VNN2: variants seen among roughly 807,000 people sequenced by gnomAD.
The protein encoded by VNN2 is pantetheine hydrolase VNN2.
A neutral mutation model predicts 43.0 loss-of-function variants in VNN2; 43 were observed. That is an observed-to-expected ratio of 1.00 (90% CI 0.78 to 1.29). VNN2 has a LOEUF of 1.29. VNN2 is among the 50% of genes most tolerant of loss of function. The probability of loss-of-function intolerance (pLI) is 0.00; values close to 1 mark genes in which losing one functional copy is unlikely to be tolerated. For missense variants in VNN2, 652 were observed against 619.7 expected (o/e 1.05, Z -0.55); for synonymous variants, 230 against 224.3 (o/e 1.03, Z -0.23).
chr6:132,745,038 G>A (rs1779637196), intron 6 of VNN2, among the ~76,000 whole-genome samples: 1 of 152,178 alleles, frequency 6.6e-6, no homozygotes, highest in African/African-American at 2.4e-5. Context: ...AGTGGACATT[G>A]AACCAGCAAA....
In VNN2 at chr6:132,751,205, T is replaced by C. The variant is rs748828343; in HGVS notation, c.1140A>G (p.Glu380=). ...CTGTAAAAGCTCCTAGAACGTATAC[T>C]TCATTCTCTTCTTTTTGTAACATTC... The part of the protein sequence containing the change: ...SYRMLQKEEN[E]VYVLGAFTGL... The change falls in exon 5 of 7, where the codon GAA becomes GAG. Residue 380 remains glutamate, a synonymous_variant. Transcript: ENST00000326499. 6.2e-7 allele frequency: 1 copy of C among 1,614,042 alleles called. No individual in the cohort carries two copies. Among genetic ancestry groups the C allele is most frequent in the Non-Finnish European group, 8.5e-7 (1 of 1,180,034 alleles).
At chr6:132,761,671 A>C (rs1239950534), upstream of VNN2, among the ~76,000 whole-genome samples, 2 of 152,188 alleles carry the variant, frequency 1.3e-5, no homozygotes, top group African/African-American at 4.8e-5. Flanking sequence ...AAAATAAAAA[A>C]CAAGCAAATA....
chr6:132,762,631 T>C (rs1365421814), upstream of VNN2, among the ~76,000 whole-genome samples: 1 of 152,200 alleles, frequency 6.6e-6, no homozygotes, highest in Non-Finnish European at 1.5e-5. Flanking sequence ...CCAGGTCTCA[T>C]TCAGATGAGG....
chr6:132,744,598 C>T, intron 6 of VNN2, 107 bp from the exon 7 acceptor site: 1 of 1,153,556 alleles, frequency 8.7e-7, no homozygotes, highest in Non-Finnish European at 1.2e-6. Flanking sequence ...CAAATCATTT[C>T]TGATTTAGGA....
At chr6:132,759,518 T>C (rs951348228), upstream of VNN2, among the ~76,000 whole-genome samples, 2 of 151,716 alleles carry the variant, frequency 1.3e-5, no homozygotes, top group Non-Finnish European at 2.9e-5. Flanking sequence ...GACATTCATA[T>C]TCTCCCTTCC....
rs779494094 is a variant in VNN2 at position 132,752,698 on chromosome 6, C to T, written c.589G>A (p.Val197Met). The change falls in exon 4 of 7, where the codon GTG (valine) becomes ATG (methionine). Residue 197 changes from valine to methionine, a missense_variant. Val to Met is a conservative substitution (Grantham distance 21, BLOSUM62 1). Coordinates refer to ENST00000326499, the MANE Select transcript of VNN2 (RefSeq NM_004665.6). ...CTTCCAAATGCGGTGTTGAAAGTCA[C>T]CAACTCCGGCTTTTCAGGGACATTA... ...QFNVPEKPEL[V>M]TFNTAFGRFG... 3 of 1,614,146 alleles carry T rather than the reference C, an allele frequency of 1.9e-6. No individual in the cohort carries two copies. The highest frequency in any genetic ancestry group is 2.2e-5 in the East Asian group (1 of 44,888).
chr6:132,759,728 T>C (rs1339185831), upstream of VNN2, among the ~76,000 whole-genome samples: 2 of 152,230 alleles, frequency 1.3e-5, no homozygotes, highest in Non-Finnish European at 2.9e-5. Flanking sequence ...TCATATTTTC[T>C]GCTTTGAATA....
At chr6:132,750,839 C>G (rs1780027247) in intron 5 of VNN2, among the ~76,000 whole-genome samples, 1 of 152,118 alleles carries the variant, frequency 6.6e-6, no homozygotes, top group Non-Finnish European at 1.5e-5. Flanking sequence ...AGGAAGTCTT[C>G]TTGATGTTCT....
At chr6:132,761,844 A>G (rs958273388), upstream of VNN2, among the ~76,000 whole-genome samples, 3 of 152,096 alleles carry the variant, frequency 2.0e-5, no homozygotes, top group African/African-American at 7.2e-5. Flanking sequence ...TCTGCTTTGC[A>G]CCACTTCTTT....
chr6:132,752,737 A>G lies in VNN2; in HGVS notation c.550T>C (p.Ser184Pro), dbSNP rs548159207. ...TCAGGGACATTAAACTGAGGCTCAG[A>G]GTACAGGTGGTACTACAACAAATGG... is the stretch of plus-strand genomic sequence containing the variant. ...VARYHKYHLY[S>P]EPQFNVPEKP... The change falls in exon 4 of 7, where the codon TCT becomes CCT. Residue 184 changes from serine (S) to proline (P), a missense_variant. Ser to Pro is a moderately conservative substitution (Grantham distance 74, BLOSUM62 -1). Coordinates refer to ENST00000326499, the MANE Select transcript of VNN2 (RefSeq NM_004665.6). The G allele has an allele frequency of 6.2e-7, 1 of 1,613,716 alleles. No homozygotes were observed. Among genetic ancestry groups the G allele is most frequent in the African/African-American group, 1.3e-5 (1 of 75,024 alleles).
intron 5 of VNN2, 145 bp from the exon 6 acceptor site, chr6:132,750,010 G>A (rs1779964205): frequency 5.4e-6 from 4 of 744,428 alleles, no homozygotes; most frequent in Non-Finnish European, 7.9e-6. Flanking sequence ...ATAATTAACT[G>A]CTTTATTAAA....
At chr6:132,748,590 C>A (rs946344840) in intron 6 of VNN2, among the ~76,000 whole-genome samples, 3 of 152,106 alleles carry the variant, frequency 2.0e-5, no homozygotes, top group East Asian at 3.8e-4. Context: ...TTACTGAAAC[C>A]CTGCCACTGT....
At chr6:132,753,483 C>T (rs913424327) in intron 3 of VNN2, 5 of 455,080 alleles carry the variant, frequency 1.1e-5, no homozygotes, top group African/African-American at 1.0e-4. Context: ...CTCAGTGACT[C>T]TTGCCCACCT....
intron 3 of VNN2, chr6:132,753,514 G>T (rs890055325): frequency 8.8e-6 from 4 of 453,184 alleles, no homozygotes; most frequent in African/African-American, 6.0e-5. Flanking sequence ...CCATAGAAAT[G>T]TATTTAATTT....
intron 3 of VNN2, among the ~76,000 whole-genome samples, chr6:132,754,962 T>C (rs1780363245): frequency 6.6e-6 from 1 of 152,116 alleles, no homozygotes; most frequent in Admixed American, 6.5e-5. Context: ...CTGCTTGAGG[T>C]GAAGAGTTCA....
chr6:132,749,921 C>T (rs964357659), intron 5 of VNN2, 56 bp from the exon 6 acceptor site: 15 of 1,489,142 alleles, frequency 1.0e-5, no homozygotes, highest in Non-Finnish European at 1.1e-5. Flanking sequence ...TTACTCATAC[C>T]AGAAATGTTG....
upstream of VNN2, chr6:132,760,616 T>C (rs1780716090): frequency 6.6e-6 from 1 of 151,698 alleles, no homozygotes; most frequent in African/African-American, 2.4e-5. Flanking sequence ...TAAGTACAAT[T>C]TGGGCCATGA....
Position 132,744,475 on chromosome 6 carries a change from C to G in VNN2, c.1388G>C (p.Arg463Pro). 1 of 1,579,708 alleles carries G rather than the reference C, an allele frequency of 6.3e-7. No homozygotes were observed. The highest frequency in any genetic ancestry group is 8.6e-7 in the Non-Finnish European group (1 of 1,167,414). The change falls in exon 7 of 7, where the codon CGT (arginine) becomes CCT (proline). Residue 463 changes from arginine to proline, a missense_variant. Transcript: ENST00000326499. The stretch of plus-strand genomic sequence containing the variant: ...AGATGATCCATTCTTGTTTACCAAA[C>G]GCCCATCTTTCAGCACCTAAAGAAA... ...PGKFEVLKDG[R>P]LVNKNGSSGP...
rs910253426 is a variant in VNN2 at position 132,749,605 on chromosome 6, C to A, written c.1371+90G>T. On this transcript the variant is annotated intron_variant, in intron 6 of 6. Transcript: ENST00000326499. ...GGTTTTGAGGAAATTTGTTACACAG[C>A]AGAAGTTAACTGGCAGAGTGGCTAT... The A allele has an allele frequency of 5.5e-6, 7 of 1,278,742 alleles. No individual in the cohort carries two copies. In the African/African-American group the frequency reaches 1.1e-4, roughly 19 times the overall value. 79.2% of individuals were successfully genotyped at this position (1,278,742 alleles called of 1,614,324 possible).
Sources: gnomAD v4.1 joint callset for allele counts (sites outside exome capture counted in the v4.1 genomes callset) on GRCh38, gnomAD v4.1.1 for gene constraint, MANE v1.5 for transcripts, NCBI Gene and HGNC (gene_info 2026-07-23, HGNC 2026-07-21) for gene names.